The following ADAMTS12 variants were observed in gnomAD, a reference collection of about 807,000 sequenced individuals.
ADAMTS12 encodes A disintegrin and metalloproteinase with thrombospondin motifs 12.
Under a neutral mutation model 167.8 loss-of-function variants are expected in ADAMTS12, and 118 were observed. The ratio of observed to expected loss-of-function variants is 0.70; its 90% confidence interval spans 0.61 to 0.82. The LOEUF (loss-of-function observed/expected upper bound fraction) is 0.82, where lower values mean the gene tolerates loss of function less well. ADAMTS12 is among the 40% of genes least tolerant of loss of function. The pLI is 0.00. For synonymous variants in ADAMTS12, 704 were observed against 716.9 expected (o/e 0.98, Z 0.29); for missense variants, 1,916 against 1,998.8 (o/e 0.96, Z 0.79).
chr5:33,619,876 G>A (rs1739222022), intron 14 of ADAMTS12, among the ~76,000 whole-genome samples: 1 of 152,136 alleles, frequency 6.6e-6, no homozygotes, highest in Admixed American at 6.5e-5. Flanking sequence ...TGTACTTTTA[G>A]TAGAGACAGG....
intron 1 of ADAMTS12, 135 bp downstream of exon 1, chr5:33,891,595 A>G: frequency 7.4e-7 from 1 of 1,355,932 alleles, no homozygotes; most frequent in Non-Finnish European, 1.0e-6. Context: ...GTCCCAGCCC[A>G]GATTTCCTTA....
chr5:33,593,516 T>C (rs745695437), intron 17 of ADAMTS12, among the ~76,000 whole-genome samples: 1 of 152,186 alleles, frequency 6.6e-6, no homozygotes, highest in Non-Finnish European at 1.5e-5. Context: ...AATGATATGG[T>C]TATGTGGAAA....
chr5:33,795,521 G>A, intron 2 of ADAMTS12, among the ~76,000 whole-genome samples: 1 of 152,144 alleles, frequency 6.6e-6, no homozygotes, highest in Non-Finnish European at 1.5e-5. Flanking sequence ...ACTGAAACTA[G>A]GAAATAGTCT....
At chr5:33,854,585 AG>A (rs1561310174) in intron 2 of ADAMTS12, among the ~76,000 whole-genome samples, 1 of 152,268 alleles carries the variant, frequency 6.6e-6, no homozygotes, top group African/African-American at 2.4e-5. Context: ...AGCAGAAAGA[AG>A]AAAACAATGC....
chr5:33,566,975 C>T (rs1746046335), intron 19 of ADAMTS12, among the ~76,000 whole-genome samples: 1 of 152,104 alleles, frequency 6.6e-6, no homozygotes, highest in African/African-American at 2.4e-5. Context: ...GCCTGGGTTC[C>T]CAAATGACTG....
intron 2 of ADAMTS12, among the ~76,000 whole-genome samples, chr5:33,818,488 A>T (rs938696990): frequency 6.6e-6 from 1 of 152,050 alleles, no homozygotes; most frequent in African/African-American, 2.4e-5. Context: ...CTGTTTATAG[A>T]TACTTAAGTT....
At chr5:33,814,296 C>CT (rs1182960150) in intron 2 of ADAMTS12, among the ~76,000 whole-genome samples, 2 of 152,130 alleles carry the variant, frequency 1.3e-5, no homozygotes, top group Non-Finnish European at 2.9e-5. Context: ...TTGAGATTTA[C>CT]TTTTTTTCCA....
At chr5:33,757,390 A>C (rs1014674689) in intron 2 of ADAMTS12, among the ~76,000 whole-genome samples, 1 of 152,234 alleles carries the variant, frequency 6.6e-6, no homozygotes, top group African/African-American at 2.4e-5. Flanking sequence ...CACTGTCCTG[A>C]GGACAGAATG....
chr5:33,616,122 G>T, intron 14 of ADAMTS12, 50 bp from the exon 15 acceptor site: 2 of 1,599,728 alleles, frequency 1.3e-6, no homozygotes, highest in South Asian at 1.1e-5. Flanking sequence ...CTTCTCAGCT[G>T]AATGCAATCT....
rs537640189 is a variant in ADAMTS12 at position 33,795,071 on chromosome 5, A to C, written c.490-43523T>G. 6.6e-5 allele frequency among the ~76,000 whole-genome samples: 10 copies of C among 152,350 alleles called. No homozygotes were observed. In the East Asian group the frequency reaches 1.2e-3, roughly 18 times the overall value. On this transcript the variant is annotated intron_variant, in intron 2 of 23. Transcript: ENST00000504830. ...ACAAGAACAGACTTACGTGTACAGC[A>C]AAGTCTGGATTTTATTTGGAAACTA...
At chr5:33,550,891 A>G (rs549266771) in intron 20 of ADAMTS12, among the ~76,000 whole-genome samples, 2 of 152,262 alleles carry the variant, frequency 1.3e-5, no homozygotes, top group East Asian at 3.9e-4. Flanking sequence ...TCAACATTGA[A>G]TTATGAGAAA....
At chr5:33,556,677 A>G (rs1324092902) in intron 20 of ADAMTS12, among the ~76,000 whole-genome samples, 1 of 152,236 alleles carries the variant, frequency 6.6e-6, no homozygotes, top group African/African-American at 2.4e-5. Context: ...CAGTGTGGTC[A>G]CACTGCACCA....
At chr5:33,759,577 A>AT (rs1349478496) in intron 2 of ADAMTS12, among the ~76,000 whole-genome samples, 2 of 152,204 alleles carry the variant, frequency 1.3e-5, no homozygotes, top group African/African-American at 4.8e-5. Context: ...TGTGGATGTC[A>AT]TGTTGATGGA....
intron 2 of ADAMTS12, among the ~76,000 whole-genome samples, chr5:33,791,860 C>T (rs931182000): frequency 2.8e-5 from 4 of 140,806 alleles, no homozygotes; most frequent in Admixed American, 6.9e-5. Flanking sequence ...CCAAGCCTAA[C>T]TCAGATCCTA....
chr5:33,767,992 T>G (rs986564851), intron 2 of ADAMTS12, among the ~76,000 whole-genome samples: 10 of 152,188 alleles, frequency 6.6e-5, no homozygotes, highest in Non-Finnish European at 1.5e-4. Context: ...GAGATGATCA[T>G]AATCAGTAGA....
In ADAMTS12 at chr5:33,527,099, C is replaced by A. The variant is rs1415980787; in HGVS notation, c.*89G>T. 3 of 1,500,584 alleles carry A rather than the reference C, an allele frequency of 2.0e-6. No individual in the cohort carries two copies. Among genetic ancestry groups the A allele is most frequent in the Non-Finnish European group, 1.8e-6 (2 of 1,100,100 alleles). The allele number at this position is 1,500,584 out of a possible 1,614,324, so 93.0% of individuals were successfully genotyped here. A position where few individuals can be genotyped will look rare whatever the true frequency, so the allele number is the denominator to read the frequency against. On this transcript the variant is annotated 3_prime_UTR_variant, in exon 24 of 24. Transcript: ENST00000504830. ...AAAGCTGAATCTGAAATATATGAAG[C>A]AAAACCTCAACGAAGCAGCTCCCAG...
chr5:33,672,891 C>A (rs1015388018), intron 5 of ADAMTS12, among the ~76,000 whole-genome samples: 5 of 152,232 alleles, frequency 3.3e-5, no homozygotes, highest in Non-Finnish European at 7.3e-5. Context: ...GGGACAGTAT[C>A]TTAGCCAAGT....
At position 33,836,194 on chromosome 5, in the gene ADAMTS12, G is replaced by A. The variant is rs73073017; in HGVS notation, c.489+44925C>T. ...GGCCATGCCCACTGTGGTTGGCTGG[G>A]TGGAGGGAGAAGCAGGGATGCAGGA... On this transcript the variant is annotated intron_variant, in intron 2 of 23. Transcript: ENST00000504830. 4.4e-3 allele frequency among the ~76,000 whole-genome samples: 664 copies of A among 152,272 alleles called. 1 individual carries two copies. Among genetic ancestry groups the A allele is most frequent in the African/African-American group, 0.015 (628 of 41,544 alleles).
chr5:33,740,378 T>C (rs1744522460), intron 3 of ADAMTS12, among the ~76,000 whole-genome samples: 1 of 152,154 alleles, frequency 6.6e-6, no homozygotes, highest in Non-Finnish European at 1.5e-5. Context: ...ATTTGTAGAA[T>C]ACAGTGCAAA....
Sources: gnomAD v4.1 joint callset for allele counts (sites outside exome capture counted in the v4.1 genomes callset) on GRCh38, gnomAD v4.1.1 for gene constraint, MANE v1.5 for transcripts, NCBI Gene and HGNC (gene_info 2026-07-23, HGNC 2026-07-21) for gene names.